Variants in COPG2 observed in about 807,000 individuals in gnomAD.
COPG2 encodes coat protein complex I subunit gamma 2.
Under a neutral mutation model 46.3 loss-of-function variants are expected in COPG2, and 37 were observed. That is an observed-to-expected ratio of 0.80 (90% confidence interval 0.61 to 1.05). COPG2 has a LOEUF of 1.05. Among genes scored for constraint, COPG2 ranks in the 50% least tolerant of loss-of-function variants. The pLI is 0.00. For missense variants in COPG2, 427 were observed against 387.8 expected, an observed-to-expected ratio of 1.10 and a Z score of -0.85; for synonymous variants, 159 against 129.7, an observed-to-expected ratio of 1.23 and a Z score of -1.53.
intron 5 of COPG2, among the ~76,000 whole-genome samples, chr7:130,638,776 G>GA (rs1398730828): frequency 1.3e-4 from 19 of 148,790 alleles, no homozygotes; most frequent in African/African-American, 3.9e-4. Context: ...ACTGAGGTAT[G>GA]AAAAAAAAAA....
Position 130,563,349 on chromosome 7 carries a change from A to G in COPG2, c.872-13T>C, listed in dbSNP as rs972476980. 7.6e-6 allele frequency: 3 copies of G among 397,202 alleles called. No homozygotes were observed. Among genetic ancestry groups the G allele is most frequent in the Non-Finnish European group, 1.3e-5 (3 of 225,430 alleles). 24.6% of individuals were successfully genotyped at this position (397,202 alleles called of 1,614,324 possible). ...AAAAGTTGAAGAACTAAAAAAAAAT[A>G]ATAATAATAATATGTAACATTAAGT... On this transcript the variant is annotated splice_polypyrimidine_tract_variant and intron_variant, in intron 10 of 23. Coordinates refer to ENST00000425248, the MANE Select transcript of COPG2 (RefSeq NM_012133.6).
intron 9 of COPG2, among the ~76,000 whole-genome samples, chr7:130,587,111 AGCCTG>A (rs1554448114): frequency 6.6e-6 from 1 of 151,906 alleles, no homozygotes; most frequent in Non-Finnish European, 1.5e-5. Flanking sequence ...GTTTGAGAAC[AGCCTG>A]GCCAGCATGA....
chr7:130,632,689 A>C (rs1265148772), intron 5 of COPG2, among the ~76,000 whole-genome samples: 1 of 151,852 alleles, frequency 6.6e-6, no homozygotes, highest in Non-Finnish European at 1.5e-5. Context: ...TTATCTTTAA[A>C]TTCACTAACC....
chr7:130,558,937 A>C (rs1189235462), intron 12 of COPG2, among the ~76,000 whole-genome samples: 1 of 152,210 alleles, frequency 6.6e-6, no homozygotes, highest in Non-Finnish European at 1.5e-5. Flanking sequence ...TAAATGTAAA[A>C]TATGAAACTA....
At chr7:130,625,432 T>A (rs782193726) in intron 5 of COPG2, among the ~76,000 whole-genome samples, 2 of 152,132 alleles carry the variant, frequency 1.3e-5, no homozygotes, top group Non-Finnish European at 2.9e-5. Flanking sequence ...CAGCACAATG[T>A]TGAATAGCAG....
rs2116266017 is a variant in COPG2 at position 130,662,960 on chromosome 7, GACTT to G, written c.243+3_243+6del. On this transcript the variant is annotated splice_donor_5th_base_variant and intron_variant, in intron 4 of 23. Coordinates refer to ENST00000425248, the MANE Select transcript of COPG2 (RefSeq NM_012133.6). Reference sequence around the variant, plus strand: ...TTTCATCGTAAAAAAAATTTAAAAAGACTTACATCATTAGATTGAAACAATCGCG... The same window carrying G: ...TTTCATCGTAAAAAAAATTTAAAAAGACATCATTAGATTGAAACAATCGCG... 6.6e-7 allele frequency: 1 copy of G among 1,526,048 alleles called. No homozygotes were observed. The highest frequency in any genetic ancestry group is 8.9e-7 in the Non-Finnish European group (1 of 1,128,206). 94.5% of individuals were successfully genotyped at this position (1,526,048 alleles called of 1,614,324 possible).
chr7:130,553,133 C>T (rs1019945160), intron 14 of COPG2, among the ~76,000 whole-genome samples: 22,053 of 152,040 alleles, frequency 0.15, 2,914 homozygotes, highest in African/African-American at 0.35. Flanking sequence ...ATAACACGTT[C>T]GAATGGCCCC....
chr7:130,536,694 G>A (rs879079032), intron 20 of COPG2, among the ~76,000 whole-genome samples: 121,759 of 151,488 alleles, frequency 0.8, 49,110 homozygotes, highest in East Asian at 0.88. Context: ...TCAGGTGTGG[G>A]AACACAGTTC....
At chr7:130,547,646 G>A (rs1037315321) in intron 20 of COPG2, 28 bp downstream of exon 20, 1 of 398,520 alleles carries the variant, frequency 2.5e-6, no homozygotes, top group African/African-American at 2.1e-5. Flanking sequence ...TCTGAATCAC[G>A]TATCTCCTCC....
At chr7:130,529,553 G>A (rs949517151) in intron 20 of COPG2, among the ~76,000 whole-genome samples, 25 of 152,256 alleles carry the variant, frequency 1.6e-4, no homozygotes, top group Admixed American at 9.8e-4. Flanking sequence ...TGAGGTGTCC[G>A]CAGATCTCAG....
intron 20 of COPG2, among the ~76,000 whole-genome samples, chr7:130,543,329 G>A (rs1361334701): frequency 6.6e-6 from 1 of 152,194 alleles, no homozygotes; most frequent in Non-Finnish European, 1.5e-5. Flanking sequence ...TTGGTAGGGT[G>A]GGTATTGTTG....
chr7:130,631,182 T>C (rs1795222836), intron 5 of COPG2, among the ~76,000 whole-genome samples: 2 of 149,364 alleles, frequency 1.3e-5, no homozygotes, highest in Non-Finnish European at 1.5e-5. Context: ...CTTTTTTTTT[T>C]TTTTTTTGAG....
intron 9 of COPG2, among the ~76,000 whole-genome samples, chr7:130,599,428 G>A (rs1485196457): frequency 3.3e-5 from 5 of 152,126 alleles, no homozygotes; most frequent in African/African-American, 9.7e-5. Context: ...AAGAACACCC[G>A]CATTGGGTAT....
intron 5 of COPG2, among the ~76,000 whole-genome samples, chr7:130,635,557 T>A (rs1051278555): frequency 1.3e-5 from 2 of 152,126 alleles, no homozygotes; most frequent in African/African-American, 4.8e-5. Flanking sequence ...AGTGGTGATA[T>A]CTTTTATCAT....
chr7:130,526,086 G>C (rs1799771753), intron 20 of COPG2, among the ~76,000 whole-genome samples: 1 of 152,156 alleles, frequency 6.6e-6, no homozygotes, highest in South Asian at 2.1e-4. Flanking sequence ...GAAGGAAGTG[G>C]CGGGACTGGC....
chr7:130,508,077 C>A, intron 21 of COPG2: 1 of 409,340 alleles, frequency 2.4e-6, no homozygotes, highest in East Asian at 4.2e-5. Flanking sequence ...CCACACTTGA[C>A]CACTGAGTTC....
intron 9 of COPG2, among the ~76,000 whole-genome samples, chr7:130,588,881 T>C (rs1794340862): frequency 6.6e-6 from 1 of 152,166 alleles, no homozygotes; most frequent in South Asian, 2.1e-4. Flanking sequence ...TCCCTAAAGA[T>C]AATGACTATA....
chr7:130,587,459 T>C (rs1487607943), intron 9 of COPG2, among the ~76,000 whole-genome samples: 1 of 152,058 alleles, frequency 6.6e-6, no homozygotes, highest in Non-Finnish European at 1.5e-5. Flanking sequence ...GAAAATATAA[T>C]ACTTGCTTTT....
intron 5 of COPG2, 110 bp downstream of exon 5, chr7:130,652,754 GATATT>G (rs1795773243): frequency 5.7e-6 from 4 of 701,622 alleles, no homozygotes; most frequent in Non-Finnish European, 9.8e-6. Context: ...AATGCTTTAA[GATATT>G]ATATTCTTTT....
Sources: allele counts gnomAD v4.1 joint callset (sites outside exome capture counted in the v4.1 genomes callset), GRCh38; gene constraint gnomAD v4.1.1; transcripts MANE v1.5; gene names NCBI Gene and HGNC (gene_info 2026-07-23, HGNC 2026-07-21).